ACTL8: variants seen among roughly 807,000 people sequenced by gnomAD.
The protein encoded by ACTL8 is actin-like protein 8.
In ACTL8, 3 loss-of-function variants were observed where a neutral mutation model predicts 9.3. The ratio of observed to expected loss-of-function variants is 0.32; its 90% CI spans 0.15 to 0.83. The LOEUF is 0.83. Among genes scored for constraint, ACTL8 ranks in the 40% least tolerant of loss-of-function variants. The probability of loss-of-function intolerance (pLI) is 0.57; values close to 1 mark genes in which losing one functional copy is unlikely to be tolerated. For missense variants in ACTL8, 381 were observed against 492.2 expected, an observed-to-expected ratio of 0.77 and a Z score of 2.14; for synonymous variants, 224 against 205.9, an observed-to-expected ratio of 1.09 and a Z score of -0.75.
At chr1:17,784,287 A>G (rs1354929341) in intron 1 of ACTL8, among the ~76,000 whole-genome samples, 5 of 152,280 alleles carry the variant, frequency 3.3e-5, no homozygotes, top group African/African-American at 9.6e-5. Context: ...AGAACTCACT[A>G]TCTTGAGGAC....
intron 1 of ACTL8, among the ~76,000 whole-genome samples, chr1:17,758,952 C>T (rs144699355): frequency 1.5e-3 from 230 of 152,230 alleles, no homozygotes; most frequent in Non-Finnish European, 2.4e-3. Context: ...GAACTGTGAT[C>T]GGTATTTAAG....
Position 17,826,724 on chromosome 1 carries a change from C to A in ACTL8, c.*205C>A. The A allele has an allele frequency of 2.1e-6, 1 of 466,368 alleles. No homozygotes were observed. Among genetic ancestry groups the A allele is most frequent in the Non-Finnish European group, 3.6e-6 (1 of 280,594 alleles). The allele number at this position is 466,368 out of a possible 1,614,324, so 28.9% of individuals were successfully genotyped here. A position where few individuals can be genotyped will look rare whatever the true frequency, so the allele number is the denominator to read the frequency against. On this transcript the variant is annotated 3_prime_UTR_variant, in exon 3 of 3. Transcript: ENST00000375406. The surrounding 1 kb of genome is among the most constrained non-coding windows in gnomAD (Gnocchi z 4.5). Reference sequence around the variant, plus strand: ...CTACCCAAGGGGGAAGACAAGATGTCATCCTTGGAAACCCTGCAGGGGACA... The same window carrying A: ...CTACCCAAGGGGGAAGACAAGATGTAATCCTTGGAAACCCTGCAGGGGACA...
At chr1:17,762,466 T>G (rs1026868388) in intron 1 of ACTL8, among the ~76,000 whole-genome samples, 1 of 152,024 alleles carries the variant, frequency 6.6e-6, no homozygotes, top group African/African-American at 2.4e-5. Flanking sequence ...GAGTCAGCTG[T>G]TAAAAGGCTC....
At chr1:17,822,177 C>T (rs552550099) in intron 1 of ACTL8, among the ~76,000 whole-genome samples, 14 of 152,248 alleles carry the variant, frequency 9.2e-5, no homozygotes, top group Admixed American at 7.2e-4. Flanking sequence ...CTCAGGACAT[C>T]GCCTTTGCAG....
At chr1:17,796,954 C>G (rs2066282038) in intron 1 of ACTL8, among the ~76,000 whole-genome samples, 1 of 152,242 alleles carries the variant, frequency 6.6e-6, no homozygotes, top group Non-Finnish European at 1.5e-5. Context: ...AGTCTGCTCT[C>G]TGCTCTGGCA....
Position 17,825,850 on chromosome 1 carries a change from C to CG in ACTL8, c.434dup (p.Val146SerfsTer4), listed in dbSNP as rs1557450516. 2 of 1,614,096 alleles carry CG rather than the reference C, an allele frequency of 1.2e-6. No homozygotes were observed. The highest frequency in any genetic ancestry group is 1.7e-6 in the Non-Finnish European group (2 of 1,180,034). On this transcript the variant is annotated frameshift_variant, in exon 3 of 3. Coordinates refer to ENST00000375406, the MANE Select transcript of ACTL8 (RefSeq NM_030812.3). LOFTEE classifies it low-confidence loss of function (END_TRUNC). ...CCCTGTATGCCTCTGGCCTCCTGAC[C>CG]GGAGTGGTGGTTGATTCTGGCTATG... is the stretch of plus-strand genomic sequence containing the variant.
chr1:17,757,689 C>A (rs1198917741), intron 1 of ACTL8, among the ~76,000 whole-genome samples: 1 of 152,056 alleles, frequency 6.6e-6, no homozygotes, highest in Non-Finnish European at 1.5e-5. Flanking sequence ...ATACACAGAC[C>A]TAGGAGGAAA....
chr1:17,760,531 GTGTT>G (rs1400976147), intron 1 of ACTL8, among the ~76,000 whole-genome samples: 1 of 152,200 alleles, frequency 6.6e-6, no homozygotes, highest in African/African-American at 2.4e-5. Flanking sequence ...CCATTTTTAG[GTGTT>G]TCAGGCAGGA....
intron 1 of ACTL8, among the ~76,000 whole-genome samples, chr1:17,800,583 CTTTTTTTTTTTTT>C (rs59143238): frequency 1.3e-4 from 9 of 69,158 alleles, no homozygotes; most frequent in African/African-American, 5.2e-4. Context: ...TGGTGTCAAT[CTTTTTTTTTTTTT>C]TTTTTTTTTT....
chr1:17,826,073 G>T lies in ACTL8; in HGVS notation c.655G>T (p.Gly219Trp). Residue 219 changes from glycine to tryptophan, a missense_variant, in exon 3 of 3, where the codon GGG becomes TGG. This residue lies in a region of ACTL8 where 243 missense variants were observed against 276.2 expected (regional missense o/e 0.88). Transcript: ENST00000375406. The surrounding 1 kb of genome is among the most constrained non-coding windows in gnomAD (Gnocchi z 4.5). The stretch of plus-strand genomic sequence containing the variant: ...CAAGTGCTACGTGCCGCAGAATCTG[G>T]GGGAGGCCCTGGACTTTCGTGAGAG... ...MNKCYVPQNLGEALDFRERQQ... is the reference protein window; with the variant it reads ...MNKCYVPQNLWEALDFRERQQ... The T allele has an allele frequency of 6.2e-7, 1 of 1,607,724 alleles. No individual in the cohort carries two copies.
chr1:17,776,855 A>G (rs1008544543), intron 1 of ACTL8, among the ~76,000 whole-genome samples: 3 of 151,742 alleles, frequency 2.0e-5, no homozygotes, highest in African/African-American at 7.3e-5. Context: ...GCAGGAGTGC[A>G]GTGGTAAGAT....
At chr1:17,779,697 C>T (rs1397687896) in intron 1 of ACTL8, among the ~76,000 whole-genome samples, 1 of 152,176 alleles carries the variant, frequency 6.6e-6, no homozygotes, top group African/African-American at 2.4e-5. Flanking sequence ...CATGGGGCCT[C>T]CGTGTTTACC....
Position 17,782,799 on chromosome 1 carries a change from C to T in ACTL8, c.-25+27295C>T, listed in dbSNP as rs562349742. On this transcript the variant is annotated intron_variant, in intron 1 of 2. Transcript: ENST00000375406. Reference sequence around the variant, plus strand: ...GGAAAGTACGCCACAGACTCTAAACCGTAAAGCACTTTACTGATGTACACA... The same window carrying T: ...GGAAAGTACGCCACAGACTCTAAACTGTAAAGCACTTTACTGATGTACACA... Among the ~76,000 whole-genome samples the T allele has an allele frequency of 1.6e-4, 24 of 152,292 alleles. No homozygotes were observed. The South Asian group carries it at 4.1e-3, about 26-fold the overall frequency.
intron 1 of ACTL8, among the ~76,000 whole-genome samples, chr1:17,791,032 G>T (rs1230344974): frequency 6.6e-6 from 1 of 152,180 alleles, no homozygotes; most frequent in African/African-American, 2.4e-5. Flanking sequence ...TGAGGGTTGG[G>T]GGGAGGGGGC....
chr1:17,777,752 G>A (rs1384780017), intron 1 of ACTL8, among the ~76,000 whole-genome samples: 1 of 152,240 alleles, frequency 6.6e-6, no homozygotes, highest in African/African-American at 2.4e-5. Context: ...AGGCTGGAGT[G>A]CAGTGGTGCA....
chr1:17,775,425 C>T (rs575154230), intron 1 of ACTL8, among the ~76,000 whole-genome samples: 241 of 152,192 alleles, frequency 1.6e-3, no homozygotes, highest in Non-Finnish European at 2.9e-3. Context: ...AACCAAGCAC[C>T]GGGCTGGGGA....
Position 17,823,436 on chromosome 1 carries a change from A to C in ACTL8, c.348+80A>C. ...TGTCTGGACTGATTGGGCACCAGGA[A>C]TTCTGCTTTTTAAGATAAATTGCCA... On this transcript the variant is annotated intron_variant, in intron 2 of 2. Coordinates refer to ENST00000375406, the MANE Select transcript of ACTL8 (RefSeq NM_030812.3). This position sits in a 1 kb window ranked among gnomAD's most constrained non-coding sequence, Gnocchi z 5.3. The C allele has an allele frequency of 7.3e-7, 1 of 1,377,810 alleles. No individual in the cohort carries two copies. Among genetic ancestry groups the C allele is most frequent in the Non-Finnish European group, 9.8e-7 (1 of 1,020,684 alleles). 85.3% of individuals were successfully genotyped at this position (1,377,810 alleles called of 1,614,324 possible). A position where few individuals can be genotyped will look rare whatever the true frequency, so the allele number is the denominator to read the frequency against.
chr1:17,821,632 C>CTT (rs35829365), intron 1 of ACTL8, among the ~76,000 whole-genome samples: 1 of 151,382 alleles, frequency 6.6e-6, no homozygotes, highest in Non-Finnish European at 1.5e-5. Context: ...TGACTATTCC[C>CTT]TTTTTTTTCT....
intron 1 of ACTL8, among the ~76,000 whole-genome samples, chr1:17,775,663 C>T (rs898673604): frequency 2.6e-5 from 4 of 152,244 alleles, no homozygotes; most frequent in Admixed American, 2.0e-4. Context: ...TCATCCTGAT[C>T]TCAGCAGAGT....
Sources: allele counts gnomAD v4.1 joint callset (sites outside exome capture counted in the v4.1 genomes callset), GRCh38; gene constraint gnomAD v4.1.1; regional missense constraint gnomAD v4.1.1; non-coding constraint Gnocchi (gnomAD v3.1); transcripts MANE v1.5; gene names NCBI Gene and HGNC (gene_info 2026-07-23, HGNC 2026-07-21).